The following ATP7A variants were observed in gnomAD, a reference collection of about 807,000 sequenced individuals.
ATP7A encodes ATPase copper transporting alpha, also known as copper-transporting ATPase 1.
ATP7A carries 7 observed loss-of-function variants against 83.5 expected under a neutral mutation model. The ratio of observed to expected loss-of-function variants is 0.08; its 90% CI spans 0.05 to 0.16. The LOEUF (loss-of-function observed/expected upper bound fraction) is 0.16, where lower values mean the gene tolerates loss of function less well. Ranked by LOEUF, ATP7A falls within the 10% of genes least tolerant of loss-of-function variation. The pLI, the probability that ATP7A is intolerant of heterozygous loss-of-function variation, is 1.00. For synonymous variants in ATP7A, 354 were observed against 395.2 expected (o/e 0.90, Z 1.24); for missense variants, 940 against 1,120.8 (o/e 0.84, Z 2.30).
chrX:78,033,337 C>A (rs1174640809), intron 16 of ATP7A, among the ~76,000 whole-genome samples: 2 of 112,449 alleles, frequency 1.8e-5, no homozygotes, highest in Non-Finnish European at 3.8e-5. Flanking sequence ...CTCTGCCCAC[C>A]TCGGCTTCCC....
chrX:78,044,142 T>C (rs1474220136), intron 21 of ATP7A, among the ~76,000 whole-genome samples: 1 of 106,500 alleles, frequency 9.4e-6, no homozygotes, highest in Non-Finnish European at 1.9e-5. Flanking sequence ...TAATCCCAGC[T>C]ACTCGGGAGA....
At chrX:78,017,094 C>G (rs1483696619) in intron 12 of ATP7A, among the ~76,000 whole-genome samples, 1 of 112,658 alleles carries the variant, frequency 8.9e-6, no homozygotes, top group Non-Finnish European at 1.9e-5. Context: ...CCAGGCATTT[C>G]CATACATCCT....
intron 2 of ATP7A, among the ~76,000 whole-genome samples, chrX:77,974,568 C>T (rs1557230053): frequency 9.0e-6 from 1 of 110,847 alleles, no homozygotes. Context: ...AACATTCAGT[C>T]ATTTACAGTT....
Position 77,989,640 on chromosome X carries a change from C to T in ATP7A, c.1018C>T (p.Pro340Ser). Residue 340 changes from proline to serine, a missense_variant, in exon 4 of 23, where the codon CCG becomes TCG. This residue lies in a region of ATP7A where 350 missense variants were observed against 432.8 expected (regional missense o/e 0.81). Transcript: ENST00000341514. ...SLRKAIEAVS[P>S]GLYRVSITSE... ...GAGAAAAGCAATAGAGGCTGTATCA[C>T]CGGGGCTATATAGAGTTAGTATCAC... The T allele has an allele frequency of 8.3e-7, 1 of 1,211,487 alleles. No homozygotes were observed. The highest frequency in any genetic ancestry group is 1.1e-6 in the Non-Finnish European group (1 of 895,279).
At chrX:77,965,439 AGAAATGT>A (rs782551568) in intron 1 of ATP7A, 149 of 323,122 alleles carry the variant, frequency 4.6e-4, no homozygotes, top group African/African-American at 3.5e-3. Flanking sequence ...CAGTAATCAG[AGAAATGT>A]GAATCAAAAC....
intron 17 of ATP7A, among the ~76,000 whole-genome samples, chrX:78,037,980 G>GTTTTTTTGTTT (rs2078023931): frequency 2.0e-5 from 1 of 51,220 alleles, no homozygotes; most frequent in Non-Finnish European, 3.2e-5. Context: ...ATCAAGAAAG[G>GTTTTTTTGTTT]TTTTTTTTTT....
intron 5 of ATP7A, among the ~76,000 whole-genome samples, chrX:77,999,859 G>A (rs963163336): frequency 5.7e-5 from 6 of 105,222 alleles, no homozygotes; most frequent in Admixed American, 5.2e-4. Context: ...AGCTGAGATC[G>A]TGCCAGCCAC....
At chrX:77,972,675 AT>A (rs1194601391) in intron 2 of ATP7A, among the ~76,000 whole-genome samples, 2 of 110,655 alleles carry the variant, frequency 1.8e-5, no homozygotes, top group Non-Finnish European at 3.8e-5. Context: ...TTTTTAATTT[AT>A]TTTTTGTAGC....
chrX:77,963,213 T>C (rs1370376286), intron 1 of ATP7A: 1 of 119,920 alleles, frequency 8.3e-6, no homozygotes, highest in African/African-American at 3.2e-5. Flanking sequence ...TGGACCATTA[T>C]TTGTTTTGCA....
chrX:78,014,285 A>G (rs892249923), intron 10 of ATP7A, among the ~76,000 whole-genome samples: 5 of 108,574 alleles, frequency 4.6e-5, no homozygotes, highest in Non-Finnish European at 9.5e-5. Context: ...CGCGTCTGTA[A>G]TCCCAGCTAC....
chrX:78,032,942 G>A (rs1388852251), intron 16 of ATP7A, among the ~76,000 whole-genome samples: 1 of 111,307 alleles, frequency 9.0e-6, no homozygotes, highest in African/African-American at 3.3e-5. Context: ...GTAACTAAAG[G>A]CCCTATACTT....
chrX:78,037,535 A>T (rs2078020743), intron 17 of ATP7A, among the ~76,000 whole-genome samples: 1 of 111,349 alleles, frequency 9.0e-6, no homozygotes, highest in Non-Finnish European at 1.9e-5. Flanking sequence ...GAGAGTAGAT[A>T]AAGGGAAAGA....
At chrX:77,998,950 C>G (rs1156250683) in intron 5 of ATP7A, among the ~76,000 whole-genome samples, 1 of 109,649 alleles carries the variant, frequency 9.1e-6, no homozygotes, top group African/African-American at 3.3e-5. Flanking sequence ...CACGAGATTA[C>G]TATTTTTTAT....
chrX:78,001,625 G>GGATATTTATTAA (rs2077739097), intron 5 of ATP7A, among the ~76,000 whole-genome samples: 1 of 111,313 alleles, frequency 9.0e-6, no homozygotes, highest in Non-Finnish European at 1.9e-5. Flanking sequence ...CTTATTTAAA[G>GGATATTTATTAA]CTATTAAATT....
chrX:77,924,196 GGAATGGA>G (rs1234873921), intron 1 of ATP7A: 1 of 111,533 alleles, frequency 9.0e-6, no homozygotes, highest in Non-Finnish European at 1.9e-5. Context: ...ACAGAAACGA[GGAATGGA>G]TTCTGGAAAG....
At chrX:77,967,820 A>C (rs1284442009) in intron 1 of ATP7A, among the ~76,000 whole-genome samples, 1 of 112,048 alleles carries the variant, frequency 8.9e-6, no homozygotes, top group Admixed American at 9.5e-5. Context: ...TCAAAGCTCC[A>C]CAGAAATTAG....
chrX:78,031,641 C>A, intron 16 of ATP7A, 59 bp downstream of exon 16: 1 of 1,108,047 alleles, frequency 9.0e-7, no homozygotes, highest in South Asian at 1.8e-5. Context: ...TTCCCCGGAT[C>A]AAATCTAGTC....
At chrX:78,042,453 C>A in intron 19 of ATP7A, 132 bp from the exon 20 acceptor site, 1 of 661,288 alleles carries the variant, frequency 1.5e-6, no homozygotes. Context: ...CACATCCTTG[C>A]TATCACTAGA....
chrX:77,916,306 G>C (rs1416613774), intron 1 of ATP7A, among the ~76,000 whole-genome samples: 1 of 99,472 alleles, frequency 1.0e-5, no homozygotes, highest in Non-Finnish European at 2.0e-5. Context: ...AATGAGCTGA[G>C]ATCATGCCAC....
Sources: allele counts gnomAD v4.1 joint callset (sites outside exome capture counted in the v4.1 genomes callset), GRCh38; gene constraint gnomAD v4.1.1; regional missense constraint gnomAD v4.1.1; transcripts MANE v1.5; gene names NCBI Gene and HGNC (gene_info 2026-07-23, HGNC 2026-07-21).